COPB2: variants seen among roughly 807,000 people sequenced by gnomAD.
COPB2 encodes coat protein complex I subunit beta 2.
A neutral mutation model predicts 120.8 loss-of-function variants in COPB2; 16 were observed. The observed-to-expected ratio is 0.13, with a 90% CI of 0.09 to 0.20. COPB2 has a LOEUF of 0.20. COPB2 is among the 10% of genes least tolerant of loss of function. The pLI is 1.00. For missense variants in COPB2, 794 were observed against 1,076.5 expected, an observed-to-expected ratio of 0.74 and a Z score of 3.67; for synonymous variants, 332 against 366.3, an observed-to-expected ratio of 0.91 and a Z score of 1.07.
Position 139,359,478 on chromosome 3 carries a change from A to T in COPB2, c.2211-116T>A, listed in dbSNP as rs1274085620. The T allele has an allele frequency of 3.6e-6, 3 of 836,932 alleles. No homozygotes were observed. The African/African-American group carries it at 5.1e-5, about 14-fold the overall frequency. The allele number at this position is 836,932 out of a possible 1,614,324, so 51.8% of individuals were successfully genotyped here. A position where few individuals can be genotyped will look rare whatever the true frequency, so the allele number is the denominator to read the frequency against. ...AAAAATCTCCCCAATCTTCACACAT[A>T]TATCTCATTTCTGTCACTTGTCTTT... On this transcript the variant is annotated intron_variant, in intron 17 of 21. Coordinates refer to ENST00000333188, the MANE Select transcript of COPB2 (RefSeq NM_004766.3).
chr3:139,369,182 A>G, intron 12 of COPB2, 79 bp downstream of exon 12: 1 of 1,059,828 alleles, frequency 9.4e-7, no homozygotes, highest in Non-Finnish European at 1.4e-6. Context: ...AGGGTACAAA[A>G]GACACTTCTT....
intron 2 of COPB2, chr3:139,380,823 G>A (rs1163638754): frequency 6.6e-6 from 1 of 152,168 alleles, no homozygotes; most frequent in Non-Finnish European, 1.5e-5. Context: ...GAAACTGAGA[G>A]TAGACACAAC....
At chr3:139,388,492 T>G (rs1448792338) in intron 1 of COPB2, 1 of 52,304 alleles carries the variant, frequency 1.9e-5, no homozygotes, top group South Asian at 8.6e-4. Flanking sequence ...TATTCCTAAC[T>G]TTTTCCTAGT....
Position 139,375,590 on chromosome 3 carries a change from G to T in COPB2, c.529C>A (p.Pro177Thr). ...IKVWQLGSSS[P>T]NFTLEGHEKG... Reference sequence around the variant, plus strand: ...TCATGTCCTTCCAAAGTGAAGTTTGGTGACGAAGAGCCCAACTGCCACACC... The same window carrying T: ...TCATGTCCTTCCAAAGTGAAGTTTGTTGACGAAGAGCCCAACTGCCACACC... Residue 177 changes from proline to threonine, a missense_variant, in exon 6 of 22, where the codon CCA (proline) becomes ACA (threonine). Coordinates refer to ENST00000333188, the MANE Select transcript of COPB2 (RefSeq NM_004766.3). 6.2e-7 allele frequency: 1 copy of T among 1,613,914 alleles called. No homozygotes were observed. Among genetic ancestry groups the T allele is most frequent in the South Asian group, 1.1e-5 (1 of 91,074 alleles).
At chr3:139,366,421 G>C (rs974416751) in intron 15 of COPB2, 147 bp downstream of exon 15, 3 of 675,394 alleles carry the variant, frequency 4.4e-6, no homozygotes, top group Non-Finnish European at 5.0e-6. Flanking sequence ...ATCATGTGCT[G>C]TAATAAGTGC....
At chr3:139,385,926 A>G (rs1328959879) in intron 1 of COPB2, among the ~76,000 whole-genome samples, 1 of 152,224 alleles carries the variant, frequency 6.6e-6, no homozygotes, top group East Asian at 1.9e-4. Context: ...TGGCAAGTTG[A>G]GTTACTGTCA....
At chr3:139,389,303 C>G (rs1378618495) in intron 1 of COPB2, among the ~76,000 whole-genome samples, 5 of 152,248 alleles carry the variant, frequency 3.3e-5, no homozygotes, top group African/African-American at 1.2e-4. Context: ...CTCTGGCAAG[C>G]GCCACAAGCG....
chr3:139,359,523 C>T (rs954994400), intron 17 of COPB2, among the ~76,000 whole-genome samples, 161 bp from the exon 18 acceptor site: 48 of 152,184 alleles, frequency 3.2e-4, no homozygotes, highest in African/African-American at 1.1e-3. Context: ...TTAATCAACA[C>T]ACTGCAAGGG....
chr3:139,358,142 G>C, intron 21 of COPB2, 58 bp downstream of exon 21: 2 of 1,455,662 alleles, frequency 1.4e-6, no homozygotes, highest in Admixed American at 1.7e-5. Context: ...GTATCCTCCA[G>C]ATATTGATGG....
In COPB2 at chr3:139,373,235, T is replaced by C; in HGVS notation, c.1072A>G (p.Ile358Val). ...TACCGCCCATTAGGATTGTGCTGAATAGTCTGAGGGTATATTTCACAACTG... is the reference window on the plus strand; with the variant it reads ...TACCGCCCATTAGGATTGTGCTGAACAGTCTGAGGGTATATTTCACAACTG... ...MGSCEIYPQT[I>V]QHNPNGRFVV... The change falls in exon 9 of 22, where the codon ATT becomes GTT. Residue 358 changes from isoleucine (I) to valine (V), a missense_variant. Transcript: ENST00000333188. The C allele has an allele frequency of 6.2e-7, 1 of 1,614,068 alleles. No individual in the cohort carries two copies. The highest frequency in any genetic ancestry group is 8.5e-7 in the Non-Finnish European group (1 of 1,179,952).
intron 15 of COPB2, 52 bp from the exon 16 acceptor site, chr3:139,362,569 A>G: frequency 1.8e-6 from 2 of 1,085,284 alleles, no homozygotes; most frequent in Non-Finnish European, 1.3e-6. Flanking sequence ...AAATGTATGT[A>G]TGTTTTATAT....
At chr3:139,358,849 C>G in intron 19 of COPB2, 37 bp from the exon 20 acceptor site, 1 of 1,580,342 alleles carries the variant, frequency 6.3e-7, no homozygotes, top group Non-Finnish European at 8.7e-7. Flanking sequence ...ATGAGATATT[C>G]TGAAATCATA....
In COPB2 at chr3:139,383,450, T is replaced by TA. The variant is rs773983842; in HGVS notation, c.4-16dup. 2.9e-5 allele frequency: 45 copies of TA among 1,525,556 alleles called. No individual in the cohort carries two copies. In the African/African-American group the frequency reaches 5.0e-4, roughly 17 times the overall value. 94.5% of individuals were successfully genotyped at this position (1,525,556 alleles called of 1,614,324 possible). Reference sequence around the variant, plus strand: ...AGTCGCAGAGGCTAAAAAGAAACATTAAAAAAATTAAATTGCTAAGCCAAA... The same window carrying TA: ...AGTCGCAGAGGCTAAAAAGAAACATTAAAAAAAATTAAATTGCTAAGCCAAA... On this transcript the variant is annotated splice_polypyrimidine_tract_variant and intron_variant, in intron 1 of 21. Coordinates refer to ENST00000333188, the MANE Select transcript of COPB2 (RefSeq NM_004766.3).
chr3:139,359,766 A>G (rs1371580469), intron 17 of COPB2, among the ~76,000 whole-genome samples: 1 of 151,996 alleles, frequency 6.6e-6, no homozygotes, highest in Non-Finnish European at 1.5e-5. Context: ...GCAGAATACC[A>G]TGGTGTCTTA....
At chr3:139,381,464 C>A (rs1941810502) in intron 2 of COPB2, 1 of 152,186 alleles carries the variant, frequency 6.6e-6, no homozygotes, top group Non-Finnish European at 1.5e-5. Context: ...GACTTACTAT[C>A]TACCAGGAGC....
chr3:139,358,720 T>G, intron 20 of COPB2, 24 bp downstream of exon 20: 1 of 1,556,426 alleles, frequency 6.4e-7, no homozygotes, highest in African/African-American at 1.4e-5. Flanking sequence ...CAGCCAAATT[T>G]ATCACATGAA....
intron 14 of COPB2, 64 bp downstream of exon 14, chr3:139,366,951 C>T: frequency 6.4e-7 from 1 of 1,562,248 alleles, no homozygotes; most frequent in Non-Finnish European, 8.7e-7. Flanking sequence ...TGCTACAAGC[C>T]AGCAACAGAT....
intron 2 of COPB2, 44 bp from the exon 3 acceptor site, chr3:139,379,510 T>C (rs1941770252): frequency 1.3e-6 from 2 of 1,518,152 alleles, no homozygotes; most frequent in African/African-American, 2.7e-5. Context: ...TATAAGAAAA[T>C]AACCACAAAA....
intron 9 of COPB2, among the ~76,000 whole-genome samples, chr3:139,372,629 A>G (rs867082857): frequency 1.4e-4 from 22 of 152,240 alleles, no homozygotes; most frequent in African/African-American, 5.3e-4. Flanking sequence ...GCACAGCATT[A>G]TAAGATGCCC....
Sources: allele counts gnomAD v4.1 joint callset (sites outside exome capture counted in the v4.1 genomes callset), GRCh38; gene constraint gnomAD v4.1.1; transcripts MANE v1.5; gene names NCBI Gene and HGNC (gene_info 2026-07-23, HGNC 2026-07-21).